The following TOMM34 variants were observed in gnomAD, a reference collection of about 807,000 sequenced individuals.
TOMM34 encodes mitochondrial import receptor subunit TOM34.
A neutral mutation model predicts 37.4 loss-of-function variants in TOMM34; 24 were observed. The ratio of observed to expected loss-of-function variants is 0.64; its 90% CI spans 0.46 to 0.90. The LOEUF (loss-of-function observed/expected upper bound fraction) is 0.90. Ranked by LOEUF, TOMM34 falls within the 40% of genes least tolerant of loss-of-function variation. The pLI, the probability that TOMM34 is intolerant of heterozygous loss-of-function variation, is 0.00. For synonymous variants in TOMM34, 154 were observed against 148.9 expected, an observed-to-expected ratio of 1.03 and a Z score of -0.25; for missense variants, 304 against 375.6, an observed-to-expected ratio of 0.81 and a Z score of 1.58.
chr20:44,947,918 T>C (rs2066994391), intron 5 of TOMM34, among the ~76,000 whole-genome samples: 1 of 152,244 alleles, frequency 6.6e-6, no homozygotes, highest in African/African-American at 2.4e-5. Context: ...AACAGATTTC[T>C]AACATTTTAT....
At chr20:44,952,023 G>T in intron 3 of TOMM34, 21 bp from the exon 4 acceptor site, 2 of 1,597,364 alleles carry the variant, frequency 1.3e-6, no homozygotes, top group Non-Finnish European at 1.7e-6. Flanking sequence ...AGGCAGGATT[G>T]CAGGGAGGTT....
At chr20:44,955,528 T>C (rs1459958044) in intron 2 of TOMM34, 5 of 500,872 alleles carry the variant, frequency 1.0e-5, no homozygotes, top group Non-Finnish European at 1.9e-5. Flanking sequence ...TATGTTTTTT[T>C]ACAGTTGTGG....
At position 44,943,031 on chromosome 20, in the gene TOMM34, A is replaced by T; in HGVS notation, c.*78T>A. ...GCTCACTTGGGGCATGCTGGGTTTC[A>T]GGAGCGGGCACAGAGCAGGTGGCCC... On this transcript the variant is annotated 3_prime_UTR_variant, in exon 7 of 7. Transcript: ENST00000372813. 1 of 1,425,722 alleles carries T rather than the reference A, an allele frequency of 7.0e-7. No homozygotes were observed. 88.3% of individuals were successfully genotyped at this position (1,425,722 alleles called of 1,614,324 possible).
chr20:44,956,321 C>T, intron 2 of TOMM34, 65 bp downstream of exon 2: 1 of 1,481,348 alleles, frequency 6.8e-7, no homozygotes, highest in Middle Eastern at 1.8e-4. Flanking sequence ...AAGAAACAAG[C>T]CAGATTAACC....
chr20:44,947,751 C>A (rs192322624), intron 5 of TOMM34, among the ~76,000 whole-genome samples: 79 of 152,274 alleles, frequency 5.2e-4, no homozygotes, highest in African/African-American at 1.8e-3. Context: ...CCTCCCGGAG[C>A]CTCAGCCTCC....
At chr20:44,951,737 A>G (rs2067028001) in intron 4 of TOMM34, 96 bp downstream of exon 4, 1 of 1,413,274 alleles carries the variant, frequency 7.1e-7, no homozygotes. Context: ...GATTATTTTT[A>G]TAACTCAGCT....
chr20:44,955,683 G>A (rs1028148607), intron 2 of TOMM34: 15 of 455,930 alleles, frequency 3.3e-5, no homozygotes, highest in Non-Finnish European at 5.3e-5. Flanking sequence ...CATGGTAACC[G>A]TACCCCACAG....
At chr20:44,955,603 G>A (rs1480180339) in intron 2 of TOMM34, 1 of 460,510 alleles carries the variant, frequency 2.2e-6, no homozygotes, top group South Asian at 1.5e-5. Context: ...CACCTCTGCT[G>A]CTAACTATGT....
intron 2 of TOMM34, 89 bp from the exon 3 acceptor site, chr20:44,955,309 A>C: frequency 6.6e-7 from 1 of 1,513,516 alleles, no homozygotes; most frequent in East Asian, 2.3e-5. Context: ...TATCTGGAGC[A>C]CTCAGCGTAC....
At chr20:44,949,004 T>C (rs1039599215) in intron 4 of TOMM34, 127 bp from the exon 5 acceptor site, 36 of 1,200,886 alleles carry the variant, frequency 3.0e-5, no homozygotes, top group Non-Finnish European at 3.7e-5. Context: ...CCTCCCCTGC[T>C]GTAAATCATC....
intron 5 of TOMM34, among the ~76,000 whole-genome samples, chr20:44,947,506 C>T (rs1413692619): frequency 1.3e-5 from 2 of 149,198 alleles, no homozygotes; most frequent in Non-Finnish European, 3.0e-5. Context: ...GAAAACACTT[C>T]TTTTTTTTTT....
intron 3 of TOMM34, 45 bp from the exon 4 acceptor site, chr20:44,952,047 A>G: frequency 6.3e-7 from 1 of 1,576,180 alleles, no homozygotes; most frequent in Admixed American, 1.9e-5. Context: ...AGCTGGGTCA[A>G]GAAGATATTT....
intron 2 of TOMM34, chr20:44,955,603 G>C (rs1480180339): frequency 2.2e-6 from 1 of 460,392 alleles, no homozygotes; most frequent in African/African-American, 2.0e-5. Context: ...CACCTCTGCT[G>C]CTAACTATGT....
chr20:44,956,036 C>G (rs1265832021), intron 2 of TOMM34, among the ~76,000 whole-genome samples: 1 of 152,182 alleles, frequency 6.6e-6, no homozygotes, highest in African/African-American at 2.4e-5. Flanking sequence ...CGCTCCCTTC[C>G]CCTCACATAC....
rs2066951666 is a variant in TOMM34, at chr20:44,943,311, G to A, written c.826-98C>T. The A allele has an allele frequency of 1.9e-6, 3 of 1,595,762 alleles. No individual in the cohort carries two copies. In the African/African-American group the frequency reaches 4.0e-5, roughly 21 times the overall value. ...AGTGTTTTCAAACCCCAGCCCACAG[G>A]CCTGCTCTGAGTTATCCTGGGCCCA... On this transcript the variant is annotated intron_variant, in intron 6 of 6. Coordinates refer to ENST00000372813, the MANE Select transcript of TOMM34 (RefSeq NM_006809.5).
chr20:44,949,285 A>C (rs1467052017), intron 4 of TOMM34, among the ~76,000 whole-genome samples: 1 of 152,196 alleles, frequency 6.6e-6, no homozygotes, highest in Non-Finnish European at 1.5e-5. Flanking sequence ...GTCAAATCTG[A>C]GAGTATGTAA....
At position 44,952,006 on chromosome 20, in the gene TOMM34, G is replaced by A; in HGVS notation, c.381-4C>T. ...GTCCATGAGAGCTCTGGTCATTCTGGAAAAGAAGGCAGGATTGCAGGGAGG... is the reference window on the plus strand; with the variant it reads ...GTCCATGAGAGCTCTGGTCATTCTGAAAAAGAAGGCAGGATTGCAGGGAGG... On this transcript the variant is annotated splice_polypyrimidine_tract_variant and splice_region_variant and intron_variant, in intron 3 of 6. Coordinates refer to ENST00000372813, the MANE Select transcript of TOMM34 (RefSeq NM_006809.5). The A allele has an allele frequency of 6.2e-7, 1 of 1,603,326 alleles. No individual in the cohort carries two copies. The highest frequency in any genetic ancestry group is 8.5e-7 in the Non-Finnish European group (1 of 1,174,944).
chr20:44,957,045 G>C (rs1191386604), intron 1 of TOMM34, among the ~76,000 whole-genome samples: 1 of 152,288 alleles, frequency 6.6e-6, no homozygotes, highest in South Asian at 2.1e-4. Flanking sequence ...ATTGAGCTGG[G>C]TGTGATGGGA....
rs370172996 is a variant in TOMM34, at chr20:44,955,051, C to T, written c.380+17G>A. ...AGGGAGTTGCCGTGGAGACCACCTGCTGGGAATGGAGCTCACCTGTTGATG... is the reference window on the plus strand; with the variant it reads ...AGGGAGTTGCCGTGGAGACCACCTGTTGGGAATGGAGCTCACCTGTTGATG... On this transcript the variant is annotated intron_variant, in intron 3 of 6. Coordinates refer to ENST00000372813, the MANE Select transcript of TOMM34 (RefSeq NM_006809.5). 1.6e-5 allele frequency: 26 copies of T among 1,613,344 alleles called. No homozygotes were observed. In the East Asian group the frequency reaches 2.7e-4, roughly 17 times the overall value.
Sources: gnomAD v4.1 joint callset for allele counts (sites outside exome capture counted in the v4.1 genomes callset) on GRCh38, gnomAD v4.1.1 for gene constraint, MANE v1.5 for transcripts, NCBI Gene and HGNC (gene_info 2026-07-23, HGNC 2026-07-21) for gene names.